Variants in GNA15 observed in about 807,000 individuals in gnomAD.
GNA15 encodes G protein subunit alpha 15, also known as guanine nucleotide-binding protein subunit alpha-15.
Under a neutral mutation model 40.1 loss-of-function variants are expected in GNA15, and 23 were observed. That is an observed-to-expected ratio of 0.57 (90% CI 0.41 to 0.81). The LOEUF is 0.81. GNA15 is among the 40% of genes least tolerant of loss of function. The pLI is 0.00. For missense variants in GNA15, 522 were observed against 515.8 expected, an observed-to-expected ratio of 1.01 and a Z score of -0.12; for synonymous variants, 226 against 210.4, an observed-to-expected ratio of 1.07 and a Z score of -0.64.
intron 4 of GNA15, among the ~76,000 whole-genome samples, chr19:3,154,343 G>A (rs572805303): frequency 1.5e-5 from 2 of 134,688 alleles, no homozygotes; most frequent in East Asian, 5.2e-4. Context: ...GGTGACGGAT[G>A]AATGGATGAA....
At chr19:3,145,740 G>A (rs368930885) in intron 1 of GNA15, among the ~76,000 whole-genome samples, 1 of 143,880 alleles carries the variant, frequency 7.0e-6, no homozygotes, top group Non-Finnish European at 1.5e-5. Context: ...TAGAGACAGA[G>A]TTTCACCGTG....
intron 1 of GNA15, among the ~76,000 whole-genome samples, chr19:3,139,639 C>T (rs1214189213): frequency 6.6e-6 from 1 of 151,016 alleles, no homozygotes. Context: ...GTGGCTCATG[C>T]CTGTAATCCC....
chr19:3,157,824 A>C lies in GNA15; in HGVS notation c.841A>C (p.Ile281Leu). The C allele has an allele frequency of 6.2e-7, 1 of 1,613,706 alleles. No homozygotes were observed. Among genetic ancestry groups the C allele is most frequent in the Non-Finnish European group, 8.5e-7 (1 of 1,179,612 alleles). ...CATCCTCTTTCTCAACAAAACCGAC[A>C]TCCTGGAGGAGAAAATCCCCACCTC... ...SVILFLNKTDILEEKIPTSHL... is the reference protein window; with the variant it reads ...SVILFLNKTDLLEEKIPTSHL... Residue 281 changes from isoleucine to leucine, a missense_variant, in exon 6 of 7, where the codon ATC (isoleucine) becomes CTC (leucine). Physicochemically the swap from Ile to Leu is conservative, Grantham distance 5. Transcript: ENST00000262958.
rs774252847 is a variant in GNA15 at position 3,162,800 on chromosome 19, G to C, written c.906G>C (p.Lys302Asn). The change falls in exon 7 of 7, where the codon AAG becomes AAC. Residue 302 changes from lysine (K) to asparagine (N), a missense_variant. Transcript: ENST00000262958. ...ATYFPSFQGP[K>N]QDAEAAKRFI... Reference sequence around the variant, plus strand: ...CCCACACTGTTTCCCCAGGCCCTAAGCAGGATGCTGAGGCAGCCAAGAGGT... The same window carrying C: ...CCCACACTGTTTCCCCAGGCCCTAACCAGGATGCTGAGGCAGCCAAGAGGT... 2 of 1,612,868 alleles carry C rather than the reference G, an allele frequency of 1.2e-6. No individual in the cohort carries two copies. The highest frequency in any genetic ancestry group is 2.2e-5 in the South Asian group (2 of 91,058).
intron 6 of GNA15, among the ~76,000 whole-genome samples, chr19:3,158,094 G>A (rs1368948994): frequency 6.6e-6 from 1 of 152,158 alleles, no homozygotes; most frequent in Non-Finnish European, 1.5e-5. Context: ...CCTTGGAACT[G>A]AGTAAAGTGA....
chr19:3,159,191 G>GT (rs1915092167), intron 6 of GNA15, among the ~76,000 whole-genome samples: 2 of 151,026 alleles, frequency 1.3e-5, no homozygotes, highest in Non-Finnish European at 3.0e-5. Context: ...CGTCTGGCTA[G>GT]TTTTTTGTAT....
rs747333396 is a variant in GNA15, at chr19:3,148,671, A to C, written c.226A>C (p.Lys76Gln). 1 of 1,594,320 alleles carries C rather than the reference A, an allele frequency of 6.3e-7. No individual in the cohort carries two copies. The highest frequency in any genetic ancestry group is 8.5e-7 in the Non-Finnish European group (1 of 1,170,724). Reference protein sequence around the residue: ...HGAGYSEEERKGFRPLVYQNI... With the variant: ...HGAGYSEEERQGFRPLVYQNI... Reference sequence around the variant, plus strand: ...CGCCGGCTACTCGGAGGAGGAGCGCAAGGGCTTCCGGCCCCTGGTCTACCA... The same window carrying C: ...CGCCGGCTACTCGGAGGAGGAGCGCCAGGGCTTCCGGCCCCTGGTCTACCA... Residue 76 changes from lysine to glutamine, a missense_variant, in exon 2 of 7, where the codon AAG (lysine) becomes CAG (glutamine). Lys to Gln is a moderately conservative substitution (Grantham distance 53). Coordinates refer to ENST00000262958, the MANE Select transcript of GNA15 (RefSeq NM_002068.4).
In GNA15 at chr19:3,163,403, A is replaced by G. The variant is rs940228094; in HGVS notation, c.*384A>G. 2 of 299,898 alleles carry G rather than the reference A, an allele frequency of 6.7e-6. No homozygotes were observed. Among genetic ancestry groups the G allele is most frequent in the African/African-American group, 2.2e-5 (1 of 46,026 alleles). The allele number at this position is 299,898 out of a possible 1,614,324, so 18.6% of individuals were successfully genotyped here. ...CTGGGACCCTCTGTGGGTGACGCAC[A>G]CCCTGGGATGGGGCTAGTAGAGCCT... On this transcript the variant is annotated 3_prime_UTR_variant, in exon 7 of 7. Coordinates refer to ENST00000262958, the MANE Select transcript of GNA15 (RefSeq NM_002068.4).
Position 3,151,864 on chromosome 19 carries a change from G to T in GNA15, c.614+29G>T. 1 of 1,554,104 alleles carries T rather than the reference G, an allele frequency of 6.4e-7. No individual in the cohort carries two copies. Among genetic ancestry groups the T allele is most frequent in the Non-Finnish European group, 8.7e-7 (1 of 1,144,770 alleles). On this transcript the variant is annotated intron_variant, in intron 4 of 6. Transcript: ENST00000262958. The surrounding 1 kb of genome is among the most constrained non-coding windows in gnomAD (Gnocchi z 5.0). ...AGCGCTCCACCTAGGCCCAGCCTAG[G>T]GGGCAGGGAAGGCTTCCTGTAGGAA... is the stretch of plus-strand genomic sequence containing the variant.
intron 6 of GNA15, among the ~76,000 whole-genome samples, chr19:3,158,121 G>A (rs1199503760): frequency 6.6e-6 from 1 of 152,102 alleles, no homozygotes; most frequent in Non-Finnish European, 1.5e-5. Flanking sequence ...CTAAAAACAC[G>A]TAGCATATCA....
intron 6 of GNA15, 38 bp downstream of exon 6, chr19:3,157,919 C>T: frequency 6.7e-7 from 1 of 1,500,062 alleles, no homozygotes; most frequent in East Asian, 2.3e-5. Context: ...CTTCAACTCC[C>T]AAAAGCAGCT....
chr19:3,145,692 C>G (rs4807410), intron 1 of GNA15, among the ~76,000 whole-genome samples: 4,794 of 143,112 alleles, frequency 0.033, 437 homozygotes, highest in East Asian at 0.29. Flanking sequence ...GGATTACAGG[C>G]GCCCACCAGC....
intron 2 of GNA15, chr19:3,149,226 C>T: frequency 5.9e-6 from 1 of 170,902 alleles, no homozygotes; most frequent in Non-Finnish European, 1.3e-5. Flanking sequence ...CACGCCCATG[C>T]ACGTGTACAC....
intron 4 of GNA15, among the ~76,000 whole-genome samples, chr19:3,153,451 T>C (rs956763996): frequency 6.7e-6 from 1 of 149,114 alleles, no homozygotes; most frequent in African/African-American, 2.5e-5. Context: ...GATGGATGGA[T>C]TGAAAGAGGG....
intron 1 of GNA15, among the ~76,000 whole-genome samples, chr19:3,144,706 T>C (rs543606305): frequency 2.4e-4 from 37 of 151,310 alleles, no homozygotes; most frequent in African/African-American, 9.0e-4. Flanking sequence ...TTTTTTGTAT[T>C]TTTAGTAGAG....
Position 3,163,351 on chromosome 19 carries a change from C to T in GNA15, c.*332C>T, listed in dbSNP as rs1167088856. 1 of 375,994 alleles carries T rather than the reference C, an allele frequency of 2.7e-6. No homozygotes were observed. Among genetic ancestry groups the T allele is most frequent in the Non-Finnish European group, 5.0e-6 (1 of 199,478 alleles). The allele number at this position is 375,994 out of a possible 1,614,324, so 23.3% of individuals were successfully genotyped here. On this transcript the variant is annotated 3_prime_UTR_variant, in exon 7 of 7. Transcript: ENST00000262958. ...GGGCATCTCTCAGGAGCCCCATCTC[C>T]GGGCGTGTCACCTCCTGGGCAGGGT...
rs996134733 is a variant in GNA15 at position 3,157,856 on chromosome 19, G to A, written c.873G>A (p.Leu291=). 1.9e-6 allele frequency: 3 copies of A among 1,613,416 alleles called. No homozygotes were observed. The highest frequency in any genetic ancestry group is 2.5e-6 in the Non-Finnish European group (3 of 1,179,470). The change falls in exon 6 of 7, where the codon CTG becomes CTA. Residue 291 remains leucine, a synonymous_variant. Coordinates refer to ENST00000262958, the MANE Select transcript of GNA15 (RefSeq NM_002068.4). ...ILEEKIPTSH[L]ATYFPSFQGP... is the part of the protein sequence containing the mutation. The stretch of plus-strand genomic sequence containing the variant: ...AGGAGAAAATCCCCACCTCCCACCT[G>A]GCTACCTATTTCCCCAGTTTCCAGG...
intron 6 of GNA15, among the ~76,000 whole-genome samples, chr19:3,160,291 C>G (rs532140449): frequency 6.6e-6 from 1 of 152,138 alleles, no homozygotes; most frequent in African/African-American, 2.4e-5. Context: ...CATCTCATCT[C>G]TCTCTCCTCC....
At chr19:3,157,594 C>G (rs951969309) in intron 5 of GNA15, 134 bp from the exon 6 acceptor site, 1 of 720,446 alleles carries the variant, frequency 1.4e-6, no homozygotes, top group Non-Finnish European at 2.4e-6. Flanking sequence ...CACGGGCACA[C>G]CCGCCTCAGC....
Sources: gnomAD v4.1 joint callset for allele counts (sites outside exome capture counted in the v4.1 genomes callset) on GRCh38, gnomAD v4.1.1 for gene constraint, Gnocchi (gnomAD v3.1) non-coding constraint, MANE v1.5 for transcripts, NCBI Gene and HGNC (gene_info 2026-07-23, HGNC 2026-07-21) for gene names.